FGD6: variants seen among roughly 807,000 people sequenced by gnomAD.
The protein encoded by FGD6 is FYVE, RhoGEF and PH domain-containing protein 6.
FGD6 carries 90 observed loss-of-function variants against 149.4 expected under a neutral mutation model. The observed-to-expected ratio is 0.60, with a 90% CI of 0.51 to 0.72. FGD6 has a LOEUF of 0.72. FGD6 is among the 30% of genes least tolerant of loss of function. FGD6 has a pLI of 0.00. For synonymous variants in FGD6, 527 were observed against 584.0 expected (o/e 0.90, Z 1.41); for missense variants, 1,437 against 1,684.8 (o/e 0.85, Z 2.57).
chr12:95,195,211 G>A (rs1466944274), intron 2 of FGD6, among the ~76,000 whole-genome samples: 1 of 151,972 alleles, frequency 6.6e-6, no homozygotes, highest in Non-Finnish European at 1.5e-5. Flanking sequence ...TAGCTACAAC[G>A]GACTAAAATC....
intron 14 of FGD6, among the ~76,000 whole-genome samples, chr12:95,097,826 T>C (rs1418150090): frequency 6.6e-6 from 1 of 152,128 alleles, no homozygotes; most frequent in Non-Finnish European, 1.5e-5. Flanking sequence ...ACCTCACTTG[T>C]AAGGATGCAC....
At chr12:95,081,663 G>T in intron 20 of FGD6, 107 bp from the exon 21 acceptor site, 1 of 487,090 alleles carries the variant, frequency 2.1e-6, no homozygotes, top group South Asian at 4.7e-5. Context: ...TAACAACATA[G>T]GTAAGATATA....
intron 2 of FGD6, among the ~76,000 whole-genome samples, chr12:95,174,276 G>A (rs1220989528): frequency 6.6e-6 from 1 of 152,208 alleles, no homozygotes; most frequent in Non-Finnish European, 1.5e-5. Flanking sequence ...GAGAGCAAAT[G>A]AGAGTTAACA....
chr12:95,155,550 C>CA (rs953825246), intron 3 of FGD6, among the ~76,000 whole-genome samples: 15 of 151,784 alleles, frequency 9.9e-5, no homozygotes, highest in East Asian at 9.7e-4. Context: ...AAACAAAAAA[C>CA]AAAAAAAACC....
intron 2 of FGD6, among the ~76,000 whole-genome samples, chr12:95,175,331 T>G (rs1881104704): frequency 6.6e-6 from 1 of 152,260 alleles, no homozygotes; most frequent in South Asian, 2.1e-4. Flanking sequence ...CCCTCAAGAA[T>G]TTTTCACCAA....
chr12:95,094,328 C>A (rs563701983), intron 15 of FGD6, among the ~76,000 whole-genome samples: 3 of 152,000 alleles, frequency 2.0e-5, no homozygotes, highest in Non-Finnish European at 2.9e-5. Flanking sequence ...TAAACTGTTT[C>A]GTATTTTCTA....
At chr12:95,193,380 G>A (rs914359456) in intron 2 of FGD6, among the ~76,000 whole-genome samples, 1 of 150,208 alleles carries the variant, frequency 6.7e-6, no homozygotes, top group African/African-American at 2.4e-5. Context: ...TTTTTGAGGC[G>A]GAATTTCGCT....
At chr12:95,145,019 C>T (rs528083919) in intron 5 of FGD6, among the ~76,000 whole-genome samples, 96 of 99,938 alleles carry the variant, frequency 9.6e-4, no homozygotes, top group African/African-American at 3.7e-3. Flanking sequence ...GACAGAGTCT[C>T]GCTCTGTCGT....
At chr12:95,200,797 A>C (rs193149471) in intron 2 of FGD6, among the ~76,000 whole-genome samples, 66 of 152,268 alleles carry the variant, frequency 4.3e-4, no homozygotes, top group African/African-American at 1.5e-3. Context: ...CCACGAACAC[A>C]ATTACCAGAA....
In FGD6 at chr12:95,158,932, G is replaced by A. The variant is rs1007144973; in HGVS notation, c.2587-5939C>T. ...AAATGCATTATAAGTGAGAAAAACA[G>A]AAACCAAAACCATTCAGGGAACTGA... On this transcript the variant is annotated intron_variant, in intron 3 of 20. Coordinates refer to ENST00000343958, the MANE Select transcript of FGD6 (RefSeq NM_018351.4). Among the ~76,000 whole-genome samples the A allele has an allele frequency of 2.0e-5, 3 of 151,944 alleles. No individual in the cohort carries two copies. In the South Asian group the frequency reaches 6.2e-4, roughly 32 times the overall value.
chr12:95,184,883 T>G (rs1241515229), intron 2 of FGD6, among the ~76,000 whole-genome samples: 1 of 148,946 alleles, frequency 6.7e-6, no homozygotes, highest in Non-Finnish European at 1.5e-5. Context: ...ACACTCAGCC[T>G]TTTTTTTTGA....
chr12:95,160,640 T>C (rs1215935726), intron 3 of FGD6, among the ~76,000 whole-genome samples: 2 of 152,222 alleles, frequency 1.3e-5, no homozygotes, highest in Non-Finnish European at 2.9e-5. Context: ...GTTCCTAGAA[T>C]TTGTGAAACA....
chr12:95,105,309 T>C (rs982152129), intron 13 of FGD6, among the ~76,000 whole-genome samples: 18 of 152,202 alleles, frequency 1.2e-4, no homozygotes, highest in Non-Finnish European at 2.4e-4. Context: ...CAGTATGCCC[T>C]CCACCTGGAA....
At chr12:95,187,254 C>A (rs1046464312) in intron 2 of FGD6, among the ~76,000 whole-genome samples, 6 of 151,748 alleles carry the variant, frequency 4.0e-5, no homozygotes, top group Non-Finnish European at 8.8e-5. Context: ...TGGCATGAAC[C>A]CAGGAGGCGG....
At chr12:95,175,680 G>A (rs1881112868) in intron 2 of FGD6, among the ~76,000 whole-genome samples, 1 of 151,900 alleles carries the variant, frequency 6.6e-6, no homozygotes, top group African/African-American at 2.4e-5. Flanking sequence ...AAGAGGCAGA[G>A]GTTGCAGTAC....
At chr12:95,165,162 T>A (rs756744065) in intron 3 of FGD6, among the ~76,000 whole-genome samples, 1 of 152,156 alleles carries the variant, frequency 6.6e-6, no homozygotes, top group Non-Finnish European at 1.5e-5. Flanking sequence ...ACATGTTTCA[T>A]TGACATCATT....
In FGD6 at chr12:95,116,443, G is replaced by A. The variant is rs1335034336; in HGVS notation, c.3083-2742C>T. On this transcript the variant is annotated intron_variant, in intron 8 of 20. Transcript: ENST00000343958. ...TAAATTTCTGTTTTTTAATACAGAA[G>A]TATATCCATGAAAACAGAGACATTT... Among the ~76,000 whole-genome samples the A allele has an allele frequency of 2.0e-5, 3 of 152,172 alleles. No homozygotes were observed. The East Asian group carries it at 5.8e-4, about 29-fold the overall frequency.
chr12:95,108,291 C>T, intron 11 of FGD6, 57 bp downstream of exon 11: 2 of 1,447,194 alleles, frequency 1.4e-6, no homozygotes, highest in African/African-American at 1.4e-5. Context: ...TAAACAGATA[C>T]AGATGGTACC....
chr12:95,185,669 T>C (rs1881408726), intron 2 of FGD6, among the ~76,000 whole-genome samples: 1 of 152,138 alleles, frequency 6.6e-6, no homozygotes, highest in Non-Finnish European at 1.5e-5. Flanking sequence ...GAGACCAGCC[T>C]GGTCAACATG....
Sources: gnomAD v4.1 joint callset for allele counts (sites outside exome capture counted in the v4.1 genomes callset) on GRCh38, gnomAD v4.1.1 for gene constraint, MANE v1.5 for transcripts, NCBI Gene and HGNC (gene_info 2026-07-23, HGNC 2026-07-21) for gene names.